Variants in PCYT1B observed in about 807,000 individuals in gnomAD.
The protein encoded by PCYT1B is choline-phosphate cytidylyltransferase B.
In PCYT1B, 10 loss-of-function variants were observed where a neutral mutation model predicts 26.4. The ratio of observed to expected loss-of-function variants is 0.38; its 90% CI spans 0.23 to 0.64. The LOEUF (loss-of-function observed/expected upper bound fraction) is 0.64, where lower values mean the gene tolerates loss of function less well. Ranked by LOEUF, PCYT1B falls within the 30% of genes least tolerant of loss-of-function variation. PCYT1B has a pLI of 0.56. For synonymous variants in PCYT1B, 131 were observed against 108.4 expected, an observed-to-expected ratio of 1.21 and a Z score of -1.29; for missense variants, 161 against 292.7, an observed-to-expected ratio of 0.55 and a Z score of 3.28.
intron 3 of PCYT1B, among the ~76,000 whole-genome samples, chrX:24,606,207 C>T (rs1322248892): frequency 6.3e-5 from 7 of 111,224 alleles, no homozygotes; most frequent in Admixed American, 9.6e-5. Flanking sequence ...TTCCTTTTAT[C>T]TTACTTTGGA....
intron 7 of PCYT1B, 30 bp downstream of exon 7, chrX:24,575,100 A>G (rs1923972624): frequency 9.0e-7 from 1 of 1,114,799 alleles, no homozygotes; most frequent in Non-Finnish European, 1.2e-6. Context: ...AACACTCATC[A>G]TTGTGGGGTA....
intron 1 of PCYT1B, among the ~76,000 whole-genome samples, chrX:24,636,260 A>G (rs148249706): frequency 1.0e-3 from 113 of 112,529 alleles, no homozygotes; most frequent in Admixed American, 3.1e-3. Flanking sequence ...CCCTTTCTTC[A>G]TTATTGTGAA....
chrX:24,587,187 T>C, intron 5 of PCYT1B, 54 bp downstream of exon 5: 2 of 839,885 alleles, frequency 2.4e-6, no homozygotes, highest in Non-Finnish European at 1.8e-6. Context: ...ATGTCTCTTA[T>C]TGCACCTGAT....
intron 3 of PCYT1B, among the ~76,000 whole-genome samples, chrX:24,595,146 C>T (rs1405315733): frequency 9.2e-6 from 1 of 108,860 alleles, no homozygotes; most frequent in Non-Finnish European, 1.9e-5. Context: ...ATGAGGGCCC[C>T]GTGGTACAGA....
chrX:24,619,724 A>G (rs1212872779), intron 1 of PCYT1B, among the ~76,000 whole-genome samples: 1 of 111,793 alleles, frequency 8.9e-6, no homozygotes, highest in Non-Finnish European at 1.9e-5. Context: ...AAGCACAGCA[A>G]TTTGGGCAGG....
chrX:24,607,082 T>C (rs2148246144), intron 3 of PCYT1B, among the ~76,000 whole-genome samples: 1 of 112,174 alleles, frequency 8.9e-6, no homozygotes, highest in South Asian at 3.7e-4. Flanking sequence ...CCTAGTCAGG[T>C]ACTATCCCTT....
chrX:24,578,026 G>A (rs1486825107), intron 6 of PCYT1B, among the ~76,000 whole-genome samples: 1 of 111,134 alleles, frequency 9.0e-6, no homozygotes, highest in African/African-American at 3.3e-5. Flanking sequence ...CTACTATAAA[G>A]ACACATGCAC....
In PCYT1B at chrX:24,559,408, AG is replaced by A. The variant is rs1442230855; in HGVS notation, c.*2884del. The A allele has an allele frequency of 6.0e-5, 4 of 67,000 alleles. No individual in the cohort carries two copies. The highest frequency in any genetic ancestry group is 1.2e-4 in the Non-Finnish European group (4 of 33,356). The allele number at this position is 67,000 out of a possible 1,213,427, so 5.5% of individuals were successfully genotyped here. Reference sequence around the variant, plus strand: ...GAAAGAAAAAGAAAGAAAGAAAAAGAGGAAAGAAAAAGAGAAAGAAGAAAGA... The same window carrying A: ...GAAAGAAAAAGAAAGAAAGAAAAAGAGAAAGAAAAAGAGAAAGAAGAAAGA... On this transcript the variant is annotated 3_prime_UTR_variant, in exon 8 of 8. Coordinates refer to ENST00000379144, the MANE Select transcript of PCYT1B (RefSeq NM_004845.5).
chrX:24,653,173 A>G (rs1926820706), intron 1 of PCYT1B, among the ~76,000 whole-genome samples: 1 of 112,104 alleles, frequency 8.9e-6, no homozygotes, highest in Admixed American at 9.4e-5. Context: ...TGCCATTGAA[A>G]ATAATGACAA....
intron 1 of PCYT1B, among the ~76,000 whole-genome samples, chrX:24,654,092 CTTTCTTTCTT>C (rs1393244927): frequency 0.035 from 2,529 of 72,695 alleles, 39 homozygotes; most frequent in Non-Finnish European, 0.053. Context: ...TCTTTTCTTT[CTTTCTTTCTT>C]TTTTTTTTTT....
chrX:24,664,744 G>A (rs1358138808), intron 1 of PCYT1B, among the ~76,000 whole-genome samples: 2 of 111,926 alleles, frequency 1.8e-5, no homozygotes, highest in Admixed American at 1.9e-4. Flanking sequence ...AATCACTTGA[G>A]GTCAGGAGTT....
chrX:24,579,224 G>T, intron 6 of PCYT1B, 92 bp downstream of exon 6: 1 of 840,555 alleles, frequency 1.2e-6, no homozygotes, highest in Non-Finnish European at 1.7e-6. Flanking sequence ...GGAGAACACT[G>T]CATAGCACTT....
upstream of PCYT1B, among the ~76,000 whole-genome samples, chrX:24,651,229 G>T (rs1926756150): frequency 9.2e-6 from 1 of 108,521 alleles, no homozygotes; most frequent in Admixed American, 1.0e-4. Flanking sequence ...AGGCTGAGGT[G>T]GGTGGATCAT....
At chrX:24,626,564 T>G (rs1301212233) in intron 1 of PCYT1B, among the ~76,000 whole-genome samples, 1 of 112,416 alleles carries the variant, frequency 8.9e-6, no homozygotes, top group African/African-American at 3.2e-5. Flanking sequence ...TCCTTTAAAT[T>G]CAGAGATGCA....
At chrX:24,612,454 C>G (rs1443085992) in intron 2 of PCYT1B, among the ~76,000 whole-genome samples, 1 of 111,668 alleles carries the variant, frequency 9.0e-6, no homozygotes, top group Non-Finnish European at 1.9e-5. Context: ...AACCCACCAC[C>G]CAGTTAAATA....
chrX:24,598,180 C>T (rs190156573), intron 3 of PCYT1B, among the ~76,000 whole-genome samples: 11 of 111,695 alleles, frequency 9.8e-5, no homozygotes, highest in African/African-American at 1.6e-4. Context: ...AGGCTTCATA[C>T]GCATTACTTA....
chrX:24,668,154 G>A (rs1433590514), intron 1 of PCYT1B, among the ~76,000 whole-genome samples: 1 of 112,219 alleles, frequency 8.9e-6, no homozygotes, highest in African/African-American at 3.2e-5. Flanking sequence ...CATGGGACCT[G>A]GAACATGTGC....
At chrX:24,637,102 T>G (rs1353732589) in intron 1 of PCYT1B, among the ~76,000 whole-genome samples, 3 of 110,833 alleles carry the variant, frequency 2.7e-5, no homozygotes, top group Non-Finnish European at 3.8e-5. Context: ...GAATTTCTAG[T>G]TTTACTACAA....
rs1471903002 is a variant in PCYT1B at position 24,620,345 on chromosome X, C to T, written c.118-1261G>A. Reference sequence around the variant, plus strand: ...GATCCCTCCCCTGTCCCCATCCCCTCTCCCCATTGCAGTCCCTTCCACCCT... The same window carrying T: ...GATCCCTCCCCTGTCCCCATCCCCTTTCCCCATTGCAGTCCCTTCCACCCT... On this transcript the variant is annotated intron_variant, in intron 1 of 7. Coordinates refer to ENST00000379144, the MANE Select transcript of PCYT1B (RefSeq NM_004845.5). 4.5e-5 allele frequency among the ~76,000 whole-genome samples: 5 copies of T among 111,866 alleles called. No homozygotes were observed. In the East Asian group the frequency reaches 1.4e-3, roughly 32 times the overall value.
Sources: allele counts gnomAD v4.1 joint callset (sites outside exome capture counted in the v4.1 genomes callset), GRCh38; gene constraint gnomAD v4.1.1; transcripts MANE v1.5; gene names NCBI Gene and HGNC (gene_info 2026-07-23, HGNC 2026-07-21).